Variants in HMCN1 observed in about 807,000 individuals in gnomAD.
The protein encoded by HMCN1 is hemicentin-1.
A neutral mutation model predicts 625.9 loss-of-function variants in HMCN1; 321 were observed. The ratio of observed to expected loss-of-function variants is 0.51; its 90% CI spans 0.47 to 0.56. The LOEUF is 0.56. HMCN1 is among the 20% of genes least tolerant of loss of function. HMCN1 has a pLI of 0.00. For missense variants in HMCN1, 6,588 were observed against 6,887.3 expected, an observed-to-expected ratio of 0.96 and a Z score of 1.54; for synonymous variants, 2,425 against 2,417.6, an observed-to-expected ratio of 1.00 and a Z score of -0.09.
rs537096612 is a variant in HMCN1, at chr1:185,893,274, C to T, written c.622-16063C>T. On this transcript the variant is annotated intron_variant, in intron 4 of 106. Transcript: ENST00000271588. ...AAATGCAGAAATCACCCATCTTCTG[C>T]GTTGCTCAGGCTGGGAGCTGTAGAC... Among the ~76,000 whole-genome samples the T allele has an allele frequency of 3.3e-3, 506 of 152,288 alleles. 4 individuals carry two copies. The highest frequency in any genetic ancestry group is 0.011 in the African/African-American group (471 of 41,558).
chr1:186,095,655 T>C, intron 68 of HMCN1, 134 bp downstream of exon 68: 1 of 874,768 alleles, frequency 1.1e-6, no homozygotes, highest in Non-Finnish European at 1.7e-6. Context: ...TTTTAATTTT[T>C]TTTATAATTC....
chr1:185,737,162 T>C (rs1487422081), intron 1 of HMCN1, among the ~76,000 whole-genome samples: 1 of 151,382 alleles, frequency 6.6e-6, no homozygotes, highest in Non-Finnish European at 1.5e-5. Flanking sequence ...GTTGTTTATT[T>C]TTTTTTTTTT....
intron 20 of HMCN1, among the ~76,000 whole-genome samples, chr1:185,988,984 G>A (rs927360006): frequency 1.3e-5 from 2 of 151,446 alleles, no homozygotes; most frequent in African/African-American, 4.9e-5. Flanking sequence ...GATATGGTAT[G>A]GAGAAATATC....
chr1:185,935,820 T>C (rs1272205442), intron 11 of HMCN1, among the ~76,000 whole-genome samples: 1 of 152,138 alleles, frequency 6.6e-6, no homozygotes, highest in African/African-American at 2.4e-5. Context: ...AATGTATTAT[T>C]TTATGGTTGA....
At chr1:186,044,441 C>T (rs550433724) in intron 40 of HMCN1, among the ~76,000 whole-genome samples, 1 of 152,234 alleles carries the variant, frequency 6.6e-6, no homozygotes, top group East Asian at 1.9e-4. Flanking sequence ...ATACCCTTTC[C>T]CTCTGTAGCA....
intron 1 of HMCN1, among the ~76,000 whole-genome samples, chr1:185,776,730 G>A (rs1399104748): frequency 2.0e-5 from 3 of 152,114 alleles, no homozygotes; most frequent in African/African-American, 7.2e-5. Flanking sequence ...ATAACAGAAA[G>A]CATGATTACA....
chr1:186,100,280 C>T (rs1660325647), intron 68 of HMCN1, among the ~76,000 whole-genome samples: 1 of 152,100 alleles, frequency 6.6e-6, no homozygotes. Context: ...TTTAGCATTT[C>T]AGCATATGTT....
At chr1:186,115,047 A>G (rs1459457524) in intron 74 of HMCN1, 101 bp downstream of exon 74, 2 of 1,542,492 alleles carry the variant, frequency 1.3e-6, no homozygotes, top group Non-Finnish European at 1.8e-6. Context: ...AAGGCTAGTT[A>G]AGCAATTTAC....
At chr1:185,760,600 A>G (rs1557947483) in intron 1 of HMCN1, among the ~76,000 whole-genome samples, 1 of 152,180 alleles carries the variant, frequency 6.6e-6, no homozygotes, top group Non-Finnish European at 1.5e-5. Flanking sequence ...TGCAACAATT[A>G]ATGAGACAGA....
At chr1:185,757,175 G>C (rs1435311515) in intron 1 of HMCN1, among the ~76,000 whole-genome samples, 2 of 152,088 alleles carry the variant, frequency 1.3e-5, no homozygotes, top group Non-Finnish European at 2.9e-5. Flanking sequence ...GTTTCACCTT[G>C]TTGACCACGC....
intron 89 of HMCN1, among the ~76,000 whole-genome samples, chr1:186,141,855 C>T (rs1462709280): frequency 6.6e-6 from 1 of 152,214 alleles, no homozygotes; most frequent in Non-Finnish European, 1.5e-5. Flanking sequence ...AATAGTTATT[C>T]AAGCCCAGAG....
Position 186,145,567 on chromosome 1 carries a change from T to C in HMCN1, c.14431T>C (p.Cys4811Arg). 1 of 1,614,008 alleles carries C rather than the reference T, an allele frequency of 6.2e-7. No homozygotes were observed. Among genetic ancestry groups the C allele is most frequent in the South Asian group, 1.1e-5 (1 of 91,062 alleles). ...GATCCAGAGGTGCAACACTGACATGTGTCCTGGTGAGCCTCTTGATTTCTG... is the reference window on the plus strand; with the variant it reads ...GATCCAGAGGTGCAACACTGACATGCGTCCTGGTGAGCCTCTTGATTTCTG... ...SQIQRCNTDM[C>R]PVDGSWGSWH... Residue 4811 changes from cysteine (C) to arginine (R), a missense_variant, in exon 92 of 107, where the codon TGT becomes CGT. Physicochemically the swap from Cys to Arg is radical, Grantham distance 180. Transcript: ENST00000271588.
At chr1:185,763,792 C>T (rs2102128550) in intron 1 of HMCN1, among the ~76,000 whole-genome samples, 1 of 152,282 alleles carries the variant, frequency 6.6e-6, no homozygotes, top group East Asian at 1.9e-4. Context: ...CACCTGAAGT[C>T]ACTTACACAT....
intron 96 of HMCN1, 45 bp downstream of exon 96, chr1:186,152,916 G>C (rs754635461): frequency 3.7e-6 from 6 of 1,610,466 alleles, no homozygotes; most frequent in Non-Finnish European, 5.1e-6. Flanking sequence ...TTAGAGTAAT[G>C]ATGAGTGAAA....
Position 186,166,274 on chromosome 1 carries a change from C to G in HMCN1, c.15410C>G (p.Thr5137Ser), listed in dbSNP as rs779818126. ...TYYCSCPKGLTIAADGRTCQD... is the reference protein window; with the variant it reads ...TYYCSCPKGLSIAADGRTCQD... ...TACTGCTCCTGCCCTAAAGGCCTCACCATAGCTGCAGATGGAAGAACTTGT... is the reference window on the plus strand; with the variant it reads ...TACTGCTCCTGCCCTAAAGGCCTCAGCATAGCTGCAGATGGAAGAACTTGT... The change falls in exon 99 of 107, where the codon ACC becomes AGC. Residue 5137 changes from threonine (T) to serine (S), a missense_variant. Physicochemically the swap from Thr to Ser is moderately conservative, Grantham distance 58. Transcript: ENST00000271588. 1.9e-6 allele frequency: 3 copies of G among 1,614,022 alleles called. No homozygotes were observed. The highest frequency in any genetic ancestry group is 1.3e-5 in the African/African-American group (1 of 74,928).
In HMCN1 at chr1:186,133,869, A is replaced by G. The variant is rs181052314; in HGVS notation, c.13312+1460A>G. On this transcript the variant is annotated intron_variant, in intron 86 of 106. Coordinates refer to ENST00000271588, the MANE Select transcript of HMCN1 (RefSeq NM_031935.3). The stretch of plus-strand genomic sequence containing the variant: ...ATTAAATATATAAAGAACAGTTACT[A>G]TGTGCTCAGCCCTCCTTAGGCATAC... Among the ~76,000 whole-genome samples, 140 of 149,978 alleles carry G rather than the reference A, an allele frequency of 9.3e-4. 1 individual carries two copies. Among genetic ancestry groups the G allele is most frequent in the African/African-American group, 3.4e-3 (138 of 40,642 alleles).
intron 1 of HMCN1, among the ~76,000 whole-genome samples, chr1:185,820,571 A>G (rs1383239294): frequency 6.6e-6 from 1 of 152,210 alleles, no homozygotes; most frequent in Non-Finnish European, 1.5e-5. Flanking sequence ...TCCTCTGAAC[A>G]TAAAATTGTT....
At chr1:186,096,218 C>A (rs1258024563) in intron 68 of HMCN1, among the ~76,000 whole-genome samples, 3 of 152,072 alleles carry the variant, frequency 2.0e-5, no homozygotes, top group African/African-American at 7.2e-5. Flanking sequence ...TGGCAAGAGT[C>A]TTGGTTAGGT....
rs139486254 is a variant in HMCN1 at position 186,078,806 on chromosome 1, G to A, written c.8599+586G>A. On this transcript the variant is annotated intron_variant, in intron 55 of 106. Transcript: ENST00000271588. ...TTCTAATTGATAAGGTCTAGTTCATGTGTCCAACCTTGAACCAAATCACCA... is the reference window on the plus strand; with the variant it reads ...TTCTAATTGATAAGGTCTAGTTCATATGTCCAACCTTGAACCAAATCACCA... 3.7e-3 allele frequency among the ~76,000 whole-genome samples: 566 copies of A among 152,346 alleles called. 4 individuals carry two copies. The highest frequency in any genetic ancestry group is 0.013 in the African/African-American group (539 of 41,592).
Sources: allele counts gnomAD v4.1 joint callset (sites outside exome capture counted in the v4.1 genomes callset), GRCh38; gene constraint gnomAD v4.1.1; transcripts MANE v1.5; gene names NCBI Gene and HGNC (gene_info 2026-07-23, HGNC 2026-07-21).